Variants in ZMYND11 observed in about 807,000 individuals in gnomAD.
ZMYND11 encodes the protein zinc finger MYND-type containing 11.
In ZMYND11, 9 loss-of-function variants were observed where a neutral mutation model predicts 84.9. That is an observed-to-expected ratio of 0.11 (90% CI 0.06 to 0.18). The LOEUF is 0.18. ZMYND11 is among the 10% of genes least tolerant of loss of function. The probability of loss-of-function intolerance (pLI) is 1.00; values close to 1 mark genes in which losing one functional copy is unlikely to be tolerated. For missense variants in ZMYND11, 409 were observed against 761.0 expected (o/e 0.54, Z 5.44); for synonymous variants, 250 against 244.1 (o/e 1.02, Z -0.23).
Position 253,589 on chromosome 10 carries a change from C to T in ZMYND11, c.*1119C>T. 1 of 152,616 alleles carries T rather than the reference C, an allele frequency of 6.6e-6. No homozygotes were observed. The allele number at this position is 152,616 out of a possible 1,614,324, so 9.5% of individuals were successfully genotyped here. A position where few individuals can be genotyped will look rare whatever the true frequency, so the allele number is the denominator to read the frequency against. Reference sequence around the variant, plus strand: ...AGAAGCATTACCAATAGGAATGGATCGATAGTTGAATAATGATTTTTTATA... The same window carrying T: ...AGAAGCATTACCAATAGGAATGGATTGATAGTTGAATAATGATTTTTTATA... On this transcript the variant is annotated 3_prime_UTR_variant, in exon 15 of 15. Coordinates refer to ENST00000381604, the MANE Select transcript of ZMYND11 (RefSeq NM_001370100.5).
At chr10:231,830 C>T (rs76861613) in intron 4 of ZMYND11, among the ~76,000 whole-genome samples, 481 of 152,332 alleles carry the variant, frequency 3.2e-3, no homozygotes, top group African/African-American at 0.011. Flanking sequence ...ACGCAAACGT[C>T]TACAACCCTG....
chr10:180,176 T>G (rs764969244), intron 2 of ZMYND11, 48 bp downstream of exon 2: 3 of 1,526,922 alleles, frequency 2.0e-6, no homozygotes. Flanking sequence ...CGTAGAAGAC[T>G]TTGGGGGAAA....
intron 6 of ZMYND11, among the ~76,000 whole-genome samples, chr10:238,105 T>A (rs1400423008): frequency 1.3e-5 from 2 of 152,150 alleles, no homozygotes; most frequent in South Asian, 4.1e-4. Flanking sequence ...ACAAAAAAAA[T>A]TATGATTAGA....
intron 3 of ZMYND11, among the ~76,000 whole-genome samples, chr10:216,059 C>T (rs368014095): frequency 1.3e-4 from 20 of 152,150 alleles, no homozygotes; most frequent in Admixed American, 7.2e-4. Context: ...ATCTGTTCCT[C>T]CCACCTCAAA....
intron 1 of ZMYND11, among the ~76,000 whole-genome samples, chr10:154,053 C>A (rs950801230): frequency 3.9e-5 from 6 of 152,168 alleles, no homozygotes; most frequent in Non-Finnish European, 8.8e-5. Context: ...TTGCTGTTCA[C>A]CACACTTACT....
At chr10:202,414 G>A (rs1943363949) in intron 2 of ZMYND11, among the ~76,000 whole-genome samples, 1 of 152,094 alleles carries the variant, frequency 6.6e-6, no homozygotes, top group East Asian at 1.9e-4. Flanking sequence ...TACTTTATGA[G>A]CTTGTATTTC....
At chr10:157,407 C>G (rs1176945781) in intron 1 of ZMYND11, among the ~76,000 whole-genome samples, 1 of 152,060 alleles carries the variant, frequency 6.6e-6, no homozygotes, top group Non-Finnish European at 1.5e-5. Context: ...ACCATGTTGG[C>G]CAGGCTGGTC....
At chr10:194,333 G>A (rs1660390972) in intron 2 of ZMYND11, among the ~76,000 whole-genome samples, 1 of 146,820 alleles carries the variant, frequency 6.8e-6, no homozygotes, top group African/African-American at 2.5e-5. Context: ...TGGGACTACA[G>A]GTGTGAGCCA....
chr10:136,390 C>A (rs140144497), intron 1 of ZMYND11, among the ~76,000 whole-genome samples: 451 of 152,296 alleles, frequency 3.0e-3, no homozygotes, highest in African/African-American at 0.01. Context: ...TGTACCAGTG[C>A]TCGTTGTGCA....
chr10:204,801 A>T (rs1191150326), intron 2 of ZMYND11, among the ~76,000 whole-genome samples: 1 of 152,018 alleles, frequency 6.6e-6, no homozygotes, highest in Non-Finnish European at 1.5e-5. Flanking sequence ...CTATATTTTT[A>T]AATGTCTTCA....
Position 248,449 on chromosome 10 carries a change from A to T in ZMYND11, c.1341A>T (p.Ser447=). The change falls in exon 13 of 15, where the codon TCA becomes TCT. Residue 447 remains serine (S), a synonymous_variant. Coordinates refer to ENST00000381604, the MANE Select transcript of ZMYND11 (RefSeq NM_001370100.5). ...AGACAAAGAAGTTAAGTGCCTCTTC[A>T]CCAAGAATGCTGCATCGGAGCACCC... ...STQTKKLSAS[S]PRMLHRSTQT... 6.2e-7 allele frequency: 1 copy of T among 1,614,194 alleles called. No homozygotes were observed. Among genetic ancestry groups the T allele is most frequent in the Non-Finnish European group, 8.5e-7 (1 of 1,180,020 alleles).
intron 2 of ZMYND11, among the ~76,000 whole-genome samples, chr10:189,246 G>A (rs556479649): frequency 1.5e-4 from 23 of 152,312 alleles, no homozygotes; most frequent in African/African-American, 4.8e-4. Flanking sequence ...TGCAGGTTGC[G>A]TGTGAAATTT....
intron 1 of ZMYND11, among the ~76,000 whole-genome samples, chr10:136,721 G>T (rs1836176268): frequency 6.6e-6 from 1 of 151,992 alleles, no homozygotes; most frequent in Non-Finnish European, 1.5e-5. Flanking sequence ...TCATATATGC[G>T]GTGTGTATAG....
intron 10 of ZMYND11, among the ~76,000 whole-genome samples, chr10:243,773 G>T (rs1245015961): frequency 6.6e-6 from 1 of 152,202 alleles, no homozygotes; most frequent in African/African-American, 2.4e-5. Context: ...GCTGAGGCAG[G>T]AGAATGGCGT....
Position 236,923 on chromosome 10 carries a change from C to A in ZMYND11, c.516+8C>A, listed in dbSNP as rs754592349. On this transcript the variant is annotated splice_region_variant and intron_variant, in intron 5 of 14. Transcript: ENST00000381604. ...TCCCGCATGAAGGAGAGGGTGAGTC[C>A]TGCTCAGGGAATCTTTCAAAATATC... The A allele has an allele frequency of 6.2e-7, 1 of 1,607,326 alleles. No individual in the cohort carries two copies.
At chr10:209,781 C>G in intron 2 of ZMYND11, 108 bp from the exon 3 acceptor site, 1 of 1,123,206 alleles carries the variant, frequency 8.9e-7, no homozygotes, top group Non-Finnish European at 1.3e-6. Flanking sequence ...ACAGGACTCT[C>G]ATAAATACAA....
intron 1 of ZMYND11, among the ~76,000 whole-genome samples, chr10:166,074 C>T (rs1554763667): frequency 6.6e-6 from 1 of 152,022 alleles, no homozygotes; most frequent in Non-Finnish European, 1.5e-5. Context: ...GAAATTGGAC[C>T]ACCTACCTCA....
intron 4 of ZMYND11, among the ~76,000 whole-genome samples, chr10:232,229 C>G (rs1037910153): frequency 2.0e-5 from 3 of 152,214 alleles, no homozygotes; most frequent in African/African-American, 7.2e-5. Flanking sequence ...CTGACAGGTA[C>G]CAGCTGAAGC....
At chr10:229,967 T>C (rs1247036330) in intron 4 of ZMYND11, among the ~76,000 whole-genome samples, 1 of 152,206 alleles carries the variant, frequency 6.6e-6, no homozygotes, top group African/African-American at 2.4e-5. Context: ...TCCTCTATAA[T>C]CTCAGAACAC....
Sources: gnomAD v4.1 joint callset for allele counts (sites outside exome capture counted in the v4.1 genomes callset) on GRCh38, gnomAD v4.1.1 for gene constraint, MANE v1.5 for transcripts, NCBI Gene and HGNC (gene_info 2026-07-23, HGNC 2026-07-21) for gene names.